PBRM1: variants seen among roughly 807,000 people sequenced by gnomAD.
PBRM1 encodes the protein polybromo 1.
Under a neutral mutation model 194.5 loss-of-function variants are expected in PBRM1, and 27 were observed. The ratio of observed to expected loss-of-function variants is 0.14; its 90% CI spans 0.10 to 0.19. The LOEUF (loss-of-function observed/expected upper bound fraction) is 0.19, where lower values mean the gene tolerates loss of function less well. Ranked by LOEUF, PBRM1 falls within the 10% of genes least tolerant of loss-of-function variation. The pLI, the probability that PBRM1 is intolerant of heterozygous loss-of-function variation, is 1.00. For synonymous variants in PBRM1, 655 were observed against 693.2 expected (o/e 0.94, Z 0.87); for missense variants, 1,466 against 2,077.2 (o/e 0.71, Z 5.72).
intron 22 of PBRM1, among the ~76,000 whole-genome samples, chr3:52,572,276 C>T (rs11714565): frequency 0.42 from 63,164 of 151,882 alleles, 13,382 homozygotes; most frequent in Admixed American, 0.5. Flanking sequence ...AATTAGGAAT[C>T]GGCATGTTTC....
chr3:52,572,656 G>A (rs1169512441), intron 22 of PBRM1, among the ~76,000 whole-genome samples: 7 of 152,184 alleles, frequency 4.6e-5, no homozygotes, highest in African/African-American at 9.7e-5. Context: ...GATTATAGGC[G>A]TGAGCCATTG....
intron 13 of PBRM1, among the ~76,000 whole-genome samples, chr3:52,622,384 C>A (rs1167064701): frequency 6.6e-6 from 1 of 151,998 alleles, no homozygotes; most frequent in East Asian, 1.9e-4. Context: ...AGGAGGACAA[C>A]AATTCAGATC....
intron 2 of PBRM1, among the ~76,000 whole-genome samples, chr3:52,669,180 C>T (rs1035041596): frequency 2.0e-5 from 3 of 151,856 alleles, no homozygotes; most frequent in Admixed American, 6.6e-5. Context: ...CCTTGGCTTA[C>T]GTAGCTTAAC....
chr3:52,683,735 T>C (rs1194208700), upstream of PBRM1, among the ~76,000 whole-genome samples: 2 of 131,604 alleles, frequency 1.5e-5, no homozygotes, highest in East Asian at 2.3e-4. Flanking sequence ...CGAGAATTGC[T>C]TGAACCAGAG....
chr3:52,564,167 T>G (rs759740227), exon 23 of PBRM1: 1 of 1,613,872 alleles, frequency 6.2e-7, no homozygotes, highest in South Asian at 1.1e-5. Flanking sequence ...AAGCAGAATG[T>G]CATTTTCTGG....
intron 20 of PBRM1, among the ~76,000 whole-genome samples, chr3:52,582,820 G>A (rs1207304749): frequency 9.2e-5 from 14 of 151,976 alleles, no homozygotes; most frequent in African/African-American, 3.1e-4. Flanking sequence ...ACACCGGGCC[G>A]GGCACGGTGG....
chr3:52,659,035 T>G (rs541030648), intron 4 of PBRM1, among the ~76,000 whole-genome samples: 109 of 152,332 alleles, frequency 7.2e-4, no homozygotes, highest in African/African-American at 2.4e-3. Context: ...ACTACTTACA[T>G]AGAGTTGGGA....
At chr3:52,676,515 C>T (rs1242474764) in intron 2 of PBRM1, among the ~76,000 whole-genome samples, 1 of 152,208 alleles carries the variant, frequency 6.6e-6, no homozygotes, top group Non-Finnish European at 1.5e-5. Context: ...GATTCTGAGG[C>T]CTCCCCAGCC....
intron 15 of PBRM1, among the ~76,000 whole-genome samples, chr3:52,613,498 C>A (rs2094768711): frequency 6.7e-6 from 1 of 149,316 alleles, no homozygotes; most frequent in Non-Finnish European, 1.5e-5. Context: ...TGTGCCACCA[C>A]GCCTGGCTAA....
At chr3:52,571,690 T>A (rs1575801667) in intron 22 of PBRM1, among the ~76,000 whole-genome samples, 1 of 150,350 alleles carries the variant, frequency 6.7e-6, no homozygotes, top group East Asian at 1.9e-4. Flanking sequence ...TGGTAATAAT[T>A]TTCTAATTGC....
chr3:52,558,061 G>A (rs2082592887), intron 26 of PBRM1, among the ~76,000 whole-genome samples, 188 bp downstream of exon 28: 1 of 152,198 alleles, frequency 6.6e-6, no homozygotes, highest in Non-Finnish European at 1.5e-5. Context: ...TGGGCCCAGG[G>A]CCCATTTCTG....
chr3:52,600,074 TTC>T (rs1179049293), intron 17 of PBRM1, among the ~76,000 whole-genome samples: 1 of 152,154 alleles, frequency 6.6e-6, no homozygotes, highest in African/African-American at 2.4e-5. Flanking sequence ...CATGTGACAC[TTC>T]GTTGCATTTA....
At chr3:52,553,513 G>T in intron 27 of PBRM1, among the ~76,000 whole-genome samples, 1 of 143,634 alleles carries the variant, frequency 7.0e-6, no homozygotes. Context: ...TTTTGAGACA[G>T]GATCTCATTC....
At chr3:52,612,993 A>T (rs2094726186) in intron 15 of PBRM1, among the ~76,000 whole-genome samples, 1 of 152,162 alleles carries the variant, frequency 6.6e-6, no homozygotes, top group South Asian at 2.1e-4. Flanking sequence ...CTATAAAAAT[A>T]CATTTGTGAG....
In PBRM1 at chr3:52,653,600, A is replaced by G. The variant is rs192563113; in HGVS notation, c.646-1790T>C. ...GCAGAATTCTGTCTCAAAAAAAAAA[A>G]AAAGAAAGAAAGAAATGAAGCAAAA... On this transcript the variant is annotated intron_variant, in intron 5 of 29. Transcript: ENST00000296302. 6.1e-4 allele frequency among the ~76,000 whole-genome samples: 91 copies of G among 150,388 alleles called. 1 individual carries two copies. The highest frequency in any genetic ancestry group is 9.0e-4 in the Non-Finnish European group (61 of 67,554).
rs9814016 is a variant in PBRM1, at chr3:52,564,965, C to T, written c.3692-732G>A. ...TGTAATCCCAGTACTTTGGGGAGGC[C>T]GAGGCAGCAGAAACACGAGGTCAAG... On this transcript the variant is annotated intron_variant, in intron 22 of 29. Coordinates refer to ENST00000296302, the Ensembl canonical transcript of PBRM1. 8.7e-3 allele frequency among the ~76,000 whole-genome samples: 1,316 copies of T among 151,916 alleles called. 19 individuals are homozygous for T. The highest frequency in any genetic ancestry group is 0.03 in the African/African-American group (1,258 of 41,430).
intron 10 of PBRM1, among the ~76,000 whole-genome samples, chr3:52,640,107 C>T (rs2096011956): frequency 6.6e-6 from 1 of 152,078 alleles, no homozygotes; most frequent in Non-Finnish European, 1.5e-5. Flanking sequence ...TAACCTTCTA[C>T]CATCATTAGG....
chr3:52,598,071 C>G (rs974560000), intron 17 of PBRM1, among the ~76,000 whole-genome samples: 1 of 152,166 alleles, frequency 6.6e-6, no homozygotes, highest in African/African-American at 2.4e-5. Context: ...ACTTTGTATT[C>G]TAATATTTCT....
intron 17 of PBRM1, 23 bp from the exon 20 acceptor site, chr3:52,589,278 T>G: frequency 6.7e-7 from 1 of 1,485,082 alleles, no homozygotes; most frequent in Non-Finnish European, 9.0e-7. Flanking sequence ...AATAAATAAA[T>G]AAAGGAAAAA....
Sources: gnomAD v4.1 joint callset for allele counts (sites outside exome capture counted in the v4.1 genomes callset) on GRCh38, gnomAD v4.1.1 for gene constraint, MANE v1.5 for transcripts, NCBI Gene and HGNC (gene_info 2026-07-23, HGNC 2026-07-21) for gene names.